The following PASD1 variants were observed in gnomAD, a reference collection of about 807,000 sequenced individuals.
The protein encoded by PASD1 is PAS domain containing repressor 1, also known as circadian clock protein PASD1.
Under a neutral mutation model 58.8 loss-of-function variants are expected in PASD1, and 13 were observed. The observed-to-expected ratio is 0.22, with a 90% CI of 0.14 to 0.35. PASD1 has a LOEUF of 0.35. PASD1 is among the 10% of genes least tolerant of loss of function. The probability of loss-of-function intolerance (pLI) is 1.00; values close to 1 mark genes in which losing one functional copy is unlikely to be tolerated. For missense variants in PASD1, 734 were observed against 568.3 expected (o/e 1.29, Z -2.96); for synonymous variants, 236 against 216.7 (o/e 1.09, Z -0.78).
intron 10 of PASD1, among the ~76,000 whole-genome samples, chrX:151,660,344 C>T (rs1293198245): frequency 8.9e-6 from 1 of 112,243 alleles, no homozygotes; most frequent in African/African-American, 3.2e-5. Context: ...CCTAATTAAT[C>T]TTATCATAAA....
At chrX:151,595,650 G>A (rs886953910) in intron 1 of PASD1, among the ~76,000 whole-genome samples, 7 of 110,442 alleles carry the variant, frequency 6.3e-5, no homozygotes, top group East Asian at 2.9e-4. Context: ...GCATGAACCC[G>A]GGAGGCAGAG....
intron 1 of PASD1, among the ~76,000 whole-genome samples, chrX:151,585,119 A>G (rs2013147297): frequency 8.9e-6 from 1 of 111,772 alleles, no homozygotes; most frequent in African/African-American, 3.3e-5. Context: ...AAATGCACAT[A>G]AAGGGCAAGG....
Position 151,600,267 on chromosome X carries a change from G to A in PASD1, c.-27-1260G>A, listed in dbSNP as rs138223790. 2.9e-4 allele frequency among the ~76,000 whole-genome samples: 31 copies of A among 107,647 alleles called. No homozygotes were observed. The East Asian group carries it at 3.0e-3, about 10-fold the overall frequency. The allele number at this position is 107,647 out of a possible 115,157, so 93.5% of individuals were successfully genotyped here. A position where few individuals can be genotyped will look rare whatever the true frequency, so the allele number is the denominator to read the frequency against. On this transcript the variant is annotated intron_variant, in intron 1 of 15. Transcript: ENST00000370357. ...AGGGAGACCGTGCAAAGAGAGAGAC[G>A]AGGGAGAGGGAGAGGGAGACCGTGC...
At chrX:151,625,597 A>G in intron 8 of PASD1, 67 bp downstream of exon 8, 1 of 840,294 alleles carries the variant, frequency 1.2e-6, no homozygotes. Flanking sequence ...AAACTAAAAC[A>G]AGAGAAATAA....
At chrX:151,631,386 G>A (rs1028368678) in intron 8 of PASD1, among the ~76,000 whole-genome samples, 24 of 111,544 alleles carry the variant, frequency 2.2e-4, no homozygotes, top group African/African-American at 7.8e-4. Context: ...TGTGATTCAA[G>A]GGAGAAAACT....
At chrX:151,567,545 C>T (rs1050820953) in intron 1 of PASD1, among the ~76,000 whole-genome samples, 1 of 111,252 alleles carries the variant, frequency 9.0e-6, no homozygotes, top group Admixed American at 9.6e-5. Context: ...TCAATGCCTA[C>T]CCTGCTCTAG....
chrX:151,654,634 A>C (rs1011955209), intron 9 of PASD1, among the ~76,000 whole-genome samples: 1 of 112,201 alleles, frequency 8.9e-6, no homozygotes, highest in African/African-American at 3.2e-5. Context: ...GATAGATTAC[A>C]TAGGTTGACA....
chrX:151,610,550 T>C (rs1247060138), intron 3 of PASD1, among the ~76,000 whole-genome samples: 1 of 112,014 alleles, frequency 8.9e-6, no homozygotes, highest in Non-Finnish European at 1.9e-5. Flanking sequence ...TTATTATGTC[T>C]GTTGCCTCTT....
At chrX:151,602,670 T>C (rs1264137915) in intron 2 of PASD1, among the ~76,000 whole-genome samples, 2 of 109,119 alleles carry the variant, frequency 1.8e-5, no homozygotes, top group African/African-American at 6.7e-5. Flanking sequence ...CACTCCAGCC[T>C]GGGAGACAGA....
intron 11 of PASD1, among the ~76,000 whole-genome samples, chrX:151,670,792 G>A (rs1569417154): frequency 8.9e-6 from 1 of 111,803 alleles, no homozygotes; most frequent in Non-Finnish European, 1.9e-5. Flanking sequence ...CATGTCTCTG[G>A]GCCAATTCCA....
intron 1 of PASD1, among the ~76,000 whole-genome samples, chrX:151,568,927 C>T (rs1056964771): frequency 1.8e-5 from 2 of 111,246 alleles, no homozygotes; most frequent in African/African-American, 3.3e-5. Context: ...GGGCTTAGCA[C>T]CATTTTGCAG....
intron 9 of PASD1, among the ~76,000 whole-genome samples, chrX:151,656,520 C>A (rs1208329856): frequency 9.0e-6 from 1 of 111,266 alleles, no homozygotes; most frequent in Non-Finnish European, 1.9e-5. Context: ...TGTTTGTGTC[C>A]TTTTTTATTT....
At chrX:151,622,585 T>TACACA (rs1421440323) in intron 6 of PASD1, among the ~76,000 whole-genome samples, 1 of 39,535 alleles carries the variant, frequency 2.5e-5, no homozygotes, top group Non-Finnish European at 5.4e-5. Flanking sequence ...TGTGCACAGA[T>TACACA]TACACACACA....
intron 1 of PASD1, among the ~76,000 whole-genome samples, chrX:151,588,078 A>G (rs2013193278): frequency 8.9e-6 from 1 of 112,213 alleles, no homozygotes; most frequent in South Asian, 3.7e-4. Flanking sequence ...TGAGAAGAGA[A>G]GATGACTTCA....
At chrX:151,623,761 T>C (rs1452993394) in intron 7 of PASD1, among the ~76,000 whole-genome samples, 1 of 111,207 alleles carries the variant, frequency 9.0e-6, no homozygotes, top group Non-Finnish European at 1.9e-5. Flanking sequence ...TAATTTGTCT[T>C]TTGAGCAGAG....
At chrX:151,623,100 C>T (rs752257753) in intron 7 of PASD1, 36 bp downstream of exon 7, 78 of 1,193,601 alleles carry the variant, frequency 6.5e-5, no homozygotes, top group South Asian at 9.3e-5. Context: ...CCCGCTGTGG[C>T]GATGTGGGCT....
intron 1 of PASD1, among the ~76,000 whole-genome samples, chrX:151,580,602 T>G (rs1389958586): frequency 1.8e-5 from 2 of 108,420 alleles, no homozygotes; most frequent in Non-Finnish European, 3.8e-5. Flanking sequence ...ATATGTGTAT[T>G]GTATATTGTT....
chrX:151,600,266 C>CGAGGGA (rs1056650255), intron 1 of PASD1, among the ~76,000 whole-genome samples: 3 of 100,490 alleles, frequency 3.0e-5, no homozygotes, highest in East Asian at 3.1e-4. Context: ...AAGAGAGAGA[C>CGAGGGA]GAGGGAGAGG....
At chrX:151,619,382 A>G (rs2013676648) in intron 4 of PASD1, among the ~76,000 whole-genome samples, 1 of 111,473 alleles carries the variant, frequency 9.0e-6, no homozygotes, top group African/African-American at 3.3e-5. Flanking sequence ...CATGGGGGCA[A>G]GAGACGACTA....
Sources: allele counts gnomAD v4.1 joint callset (sites outside exome capture counted in the v4.1 genomes callset), GRCh38; gene constraint gnomAD v4.1.1; transcripts MANE v1.5; gene names NCBI Gene and HGNC (gene_info 2026-07-23, HGNC 2026-07-21).